Variants in ERG observed in about 807,000 individuals in gnomAD.
ERG encodes transcriptional regulator ERG.
A neutral mutation model predicts 55.3 loss-of-function variants in ERG; 9 were observed. That is an observed-to-expected ratio of 0.16 (90% CI 0.10 to 0.28). The LOEUF (loss-of-function observed/expected upper bound fraction) is 0.28. Among genes scored for constraint, ERG ranks in the 10% least tolerant of loss-of-function variants. ERG has a pLI of 1.00. For missense variants in ERG, 434 were observed against 631.6 expected, an observed-to-expected ratio of 0.69 and a Z score of 3.35; for synonymous variants, 223 against 237.3, an observed-to-expected ratio of 0.94 and a Z score of 0.55.
At chr21:38,438,857 C>T (rs996312801) in intron 2 of ERG, among the ~76,000 whole-genome samples, 2 of 152,296 alleles carry the variant, frequency 1.3e-5, no homozygotes, top group South Asian at 2.1e-4. Flanking sequence ...TACCAGGCAT[C>T]GGAATCCCGC....
intron 1 of ERG, among the ~76,000 whole-genome samples, chr21:38,459,632 G>A (rs1321105344): frequency 6.6e-6 from 1 of 152,182 alleles, no homozygotes; most frequent in Non-Finnish European, 1.5e-5. Flanking sequence ...AGATGGGCTA[G>A]AGATACCTTT....
chr21:38,380,396 AT>A lies in ERG; in HGVS notation c.*3006del. 5.6e-6 allele frequency: 6 copies of A among 1,062,082 alleles called. No homozygotes were observed. The highest frequency in any genetic ancestry group is 6.8e-6 in the Non-Finnish European group (6 of 877,280). 65.8% of individuals were successfully genotyped at this position (1,062,082 alleles called of 1,614,324 possible). A position where few individuals can be genotyped will look rare whatever the true frequency, so the allele number is the denominator to read the frequency against. ...GTGAACCCCTCCGGGACATAAGGGC[AT>A]CAAACTAGGAACAAAAACACAGTCT... On this transcript the variant is annotated 3_prime_UTR_variant, in exon 10 of 10. Transcript: ENST00000288319.
chr21:38,603,093 C>T (rs2146913765), intron 1 of ERG, among the ~76,000 whole-genome samples: 1 of 152,006 alleles, frequency 6.6e-6, no homozygotes, highest in Middle Eastern at 3.4e-3. Flanking sequence ...TACTCAATGA[C>T]ATCAAATGGA....
intron 2 of ERG, among the ~76,000 whole-genome samples, chr21:38,537,104 A>G (rs1490212787): frequency 6.6e-6 from 1 of 152,206 alleles, no homozygotes; most frequent in African/African-American, 2.4e-5. Flanking sequence ...ATACATATGC[A>G]AAAGAAAAAA....
intron 2 of ERG, among the ~76,000 whole-genome samples, chr21:38,544,282 C>T (rs971329839): frequency 6.6e-6 from 1 of 152,198 alleles, no homozygotes; most frequent in African/African-American, 2.4e-5. Context: ...GTGGTTAGGG[C>T]CCTCAGGCCC....
At chr21:38,603,331 C>T (rs1340093188) in intron 1 of ERG, among the ~76,000 whole-genome samples, 1 of 151,994 alleles carries the variant, frequency 6.6e-6, no homozygotes, top group African/African-American at 2.4e-5. Flanking sequence ...TTAAAACAAA[C>T]AGATTGGGGC....
intron 1 of ERG, among the ~76,000 whole-genome samples, chr21:38,656,494 C>G (rs534579440): frequency 2.2e-4 from 34 of 152,302 alleles, no homozygotes; most frequent in Non-Finnish European, 4.1e-4. Context: ...GCTAATATTT[C>G]CTTAAGATAG....
chr21:38,373,277 T>C, the ERG span, among the ~76,000 whole-genome samples: 12 of 152,330 alleles, frequency 7.9e-5, no homozygotes, highest in African/African-American at 2.9e-4. Context: ...TCCCAACATC[T>C]CTCTCGTTTT....
intron 1 of ERG, among the ~76,000 whole-genome samples, chr21:38,484,245 G>A (rs1185023616): frequency 1.3e-5 from 2 of 152,122 alleles, no homozygotes; most frequent in African/African-American, 4.8e-5. Flanking sequence ...AATTACATGT[G>A]TGAGCCACCG....
chr21:38,549,519 A>C (rs1168131076), intron 2 of ERG, among the ~76,000 whole-genome samples: 1 of 152,188 alleles, frequency 6.6e-6, no homozygotes, highest in Non-Finnish European at 1.5e-5. Context: ...ACACATATAC[A>C]GTAATGCACA....
intron 1 of ERG, among the ~76,000 whole-genome samples, chr21:38,452,721 G>A (rs1427876492): frequency 6.6e-6 from 1 of 152,168 alleles, no homozygotes; most frequent in African/African-American, 2.4e-5. Flanking sequence ...CTTCAGAACA[G>A]ACTTAGCTGG....
intron 1 of ERG, among the ~76,000 whole-genome samples, chr21:38,622,764 C>CACCACACACACATCACATACACACCAT (rs2060299810): frequency 6.7e-6 from 1 of 149,632 alleles, no homozygotes; most frequent in Non-Finnish European, 1.5e-5. Context: ...ATACCACACA[C>CACCACACACACATCACATACACACCAT]ACCACACACA....
At chr21:38,555,381 T>C (rs748757735) in intron 2 of ERG, among the ~76,000 whole-genome samples, 23 of 151,964 alleles carry the variant, frequency 1.5e-4, no homozygotes, top group Admixed American at 4.6e-4. Context: ...ATAGTTTTGG[T>C]TTTTTTCTCA....
chr21:38,385,377 C>T (rs1020429963), intron 9 of ERG, among the ~76,000 whole-genome samples: 1 of 152,120 alleles, frequency 6.6e-6, no homozygotes, highest in Non-Finnish European at 1.5e-5. Context: ...TAATATCAAT[C>T]GATGTGATAA....
chr21:38,529,917 G>C (rs1429336929), intron 2 of ERG, among the ~76,000 whole-genome samples: 1 of 152,072 alleles, frequency 6.6e-6, no homozygotes, highest in Non-Finnish European at 1.5e-5. Context: ...AGTGAACCGA[G>C]ATCACGCCAT....
intron 1 of ERG, among the ~76,000 whole-genome samples, chr21:38,452,556 C>T (rs1165099456): frequency 1.1e-4 from 16 of 152,046 alleles, no homozygotes; most frequent in African/African-American, 3.4e-4. Flanking sequence ...ATTAATAGAA[C>T]GCTTTAGAGG....
chr21:38,394,748 T>C (rs777002262), intron 6 of ERG, among the ~76,000 whole-genome samples: 2 of 152,296 alleles, frequency 1.3e-5, no homozygotes, highest in East Asian at 3.9e-4. Flanking sequence ...AGGAACTCTG[T>C]TCCTGCAGAT....
intron 1 of ERG, among the ~76,000 whole-genome samples, chr21:38,631,528 T>G (rs939271468): frequency 6.6e-5 from 10 of 152,216 alleles, no homozygotes; most frequent in African/African-American, 1.9e-4. Context: ...GGGAAGATTT[T>G]TATAGCCTTC....
chr21:38,441,616 G>C (rs1221763096), intron 2 of ERG, among the ~76,000 whole-genome samples: 1 of 152,176 alleles, frequency 6.6e-6, no homozygotes, highest in Non-Finnish European at 1.5e-5. Context: ...ACTGAGCTCT[G>C]GGGGAGACGG....
Sources: gnomAD v4.1 joint callset for allele counts (sites outside exome capture counted in the v4.1 genomes callset) on GRCh38, gnomAD v4.1.1 for gene constraint, MANE v1.5 for transcripts, NCBI Gene and HGNC (gene_info 2026-07-23, HGNC 2026-07-21) for gene names.